The following SLC6A17 variants were observed in gnomAD, a reference collection of about 807,000 sequenced individuals.
SLC6A17 encodes sodium-dependent neutral amino acid transporter SLC6A17.
A neutral mutation model predicts 64.5 loss-of-function variants in SLC6A17; 21 were observed. The ratio of observed to expected loss-of-function variants is 0.33; its 90% CI spans 0.23 to 0.47. The LOEUF is 0.47. Among genes scored for constraint, SLC6A17 ranks in the 20% least tolerant of loss-of-function variants. The probability of loss-of-function intolerance (pLI) is 1.00; values close to 1 mark genes in which losing one functional copy is unlikely to be tolerated. For synonymous variants in SLC6A17, 372 were observed against 399.5 expected (o/e 0.93, Z 0.82); for missense variants, 682 against 963.2 (o/e 0.71, Z 3.86).
chr1:110,158,703 T>C (rs1423195357), intron 1 of SLC6A17, among the ~76,000 whole-genome samples: 1 of 152,238 alleles, frequency 6.6e-6, no homozygotes, highest in Non-Finnish European at 1.5e-5. Flanking sequence ...AGCAGGACTT[T>C]AGGTTTTCCT....
intron 9 of SLC6A17, among the ~76,000 whole-genome samples, chr1:110,195,159 G>A (rs944530241): frequency 6.6e-6 from 1 of 152,190 alleles, no homozygotes; most frequent in African/African-American, 2.4e-5. Context: ...TTCCCTTCGG[G>A]GTTTGCTGCG....
At chr1:110,197,358 C>G (rs1397851538) in intron 10 of SLC6A17, 79 bp from the exon 11 acceptor site, 4 of 1,527,792 alleles carry the variant, frequency 2.6e-6, no homozygotes, top group East Asian at 2.3e-5. Context: ...CGAAGACTTT[C>G]TGGAGGAGAT....
rs750318748 is a variant in SLC6A17 at position 110,198,235 on chromosome 1, C to T, written c.1975C>T (p.Arg659Cys). 36 of 1,614,072 alleles carry T rather than the reference C, an allele frequency of 2.2e-5. No homozygotes were observed. Among genetic ancestry groups the T allele is most frequent in the African/African-American group, 4.0e-5 (3 of 74,918 alleles). ...CCTCTCCGTGTCCTACAAGAAGGGC[C>T]GCATGATGAAGGACATCTCCAACCT... Reference protein sequence around the residue: ...NTLSVSYKKGRMMKDISNLEE... With the variant: ...NTLSVSYKKGCMMKDISNLEE... Residue 659 changes from arginine to cysteine, a missense_variant, in exon 12 of 12, where the codon CGC becomes TGC. Arg to Cys is a radical substitution (Grantham distance 180). This residue lies in a region of SLC6A17 where 264 missense variants were observed against 339.5 expected (regional missense o/e 0.78). Transcript: ENST00000331565.
intron 9 of SLC6A17, 117 bp downstream of exon 9, chr1:110,194,888 A>C: frequency 1.6e-6 from 2 of 1,251,582 alleles, no homozygotes; most frequent in South Asian, 1.3e-5. Flanking sequence ...TCCACCCCAC[A>C]CTGGGACACA....
At chr1:110,174,407 C>G (rs954644871) in intron 4 of SLC6A17, among the ~76,000 whole-genome samples, 1 of 152,204 alleles carries the variant, frequency 6.6e-6, no homozygotes, top group African/African-American at 2.4e-5. Context: ...TTCCCATGTT[C>G]ACACCACTCA....
intron 6 of SLC6A17, among the ~76,000 whole-genome samples, chr1:110,190,133 C>T (rs1053610861): frequency 1.3e-5 from 2 of 152,142 alleles, no homozygotes; most frequent in African/African-American, 2.4e-5. Flanking sequence ...ACAGGGAGGC[C>T]TTGACACCTT....
At chr1:110,166,771 T>C in intron 1 of SLC6A17, 72 bp from the exon 2 acceptor site, 1 of 886,480 alleles carries the variant, frequency 1.1e-6, no homozygotes, top group African/African-American at 1.7e-5. Context: ...TTAATTTGGG[T>C]TGTGTCCACG....
intron 2 of SLC6A17, among the ~76,000 whole-genome samples, chr1:110,170,023 C>T (rs1007325293): frequency 2.0e-5 from 3 of 152,146 alleles, no homozygotes; most frequent in Non-Finnish European, 4.4e-5. Context: ...CTTGTCTTTG[C>T]TCTCCCACCC....
intron 9 of SLC6A17, 129 bp downstream of exon 9, chr1:110,194,900 C>A: frequency 1.7e-6 from 2 of 1,155,072 alleles, no homozygotes; most frequent in Non-Finnish European, 2.5e-6. Flanking sequence ...TGGGACACAG[C>A]TGGAGCCTGG....
intron 1 of SLC6A17, among the ~76,000 whole-genome samples, chr1:110,158,074 A>G (rs973009307): frequency 6.6e-6 from 1 of 152,170 alleles, no homozygotes; most frequent in East Asian, 1.9e-4. Flanking sequence ...TATAAATTAT[A>G]TATTTGTCTG....
At chr1:110,173,853 T>C (rs976829520) in intron 3 of SLC6A17, 120 bp from the exon 4 acceptor site, 3 of 1,440,508 alleles carry the variant, frequency 2.1e-6, no homozygotes, top group African/African-American at 1.4e-5. Context: ...CCTCCTTGCC[T>C]CTCTTGAGGC....
chr1:110,154,990 G>A (rs1340225724), intron 1 of SLC6A17, among the ~76,000 whole-genome samples: 1 of 152,024 alleles, frequency 6.6e-6, no homozygotes, highest in Non-Finnish European at 1.5e-5. Context: ...CGTGTCCGTG[G>A]CCGTTCTGGG....
chr1:110,178,919 T>G (rs1020073629), intron 6 of SLC6A17, among the ~76,000 whole-genome samples: 5 of 152,238 alleles, frequency 3.3e-5, no homozygotes, highest in African/African-American at 1.2e-4. Flanking sequence ...TTTCCTGAAT[T>G]TGGGATTTGT....
chr1:110,166,563 A>G (rs758698562), intron 1 of SLC6A17, among the ~76,000 whole-genome samples: 1 of 152,234 alleles, frequency 6.6e-6, no homozygotes, highest in Non-Finnish European at 1.5e-5. Context: ...GTCTTCACGG[A>G]TAATGCTCTA....
intron 3 of SLC6A17, among the ~76,000 whole-genome samples, chr1:110,173,226 C>G (rs1291873116): frequency 6.6e-6 from 1 of 152,268 alleles, no homozygotes; most frequent in Non-Finnish European, 1.5e-5. Flanking sequence ...CTCCTGCACA[C>G]ATGTGCTCAG....
intron 1 of SLC6A17, among the ~76,000 whole-genome samples, chr1:110,165,264 G>T (rs529234040): frequency 2.2e-4 from 34 of 152,272 alleles, no homozygotes; most frequent in Non-Finnish European, 4.9e-4. Context: ...GGCAGCCCTG[G>T]GGGGAGGCCC....
At position 110,194,770 on chromosome 1, in the gene SLC6A17, A is replaced by G; in HGVS notation, c.1491A>G (p.Thr497=). Residue 497 remains threonine (T), a splice_region_variant and synonymous_variant, in exon 9 of 12, where the codon ACA becomes ACG. Transcript: ENST00000331565. The part of the protein sequence containing the change: ...DTFKVPKEMF[T]VGCCVFAFLV... ...TCAAGGTGCCCAAGGAGATGTTCAC[A>G]GGTAACTCCTCCCTGCCCCCATGCC... 1 of 1,612,756 alleles carries G rather than the reference A, an allele frequency of 6.2e-7. No homozygotes were observed. Among genetic ancestry groups the G allele is most frequent in the Non-Finnish European group, 8.5e-7 (1 of 1,180,008 alleles).
chr1:110,164,422 A>G (rs1306291597), intron 1 of SLC6A17, among the ~76,000 whole-genome samples: 2 of 152,206 alleles, frequency 1.3e-5, no homozygotes, highest in Non-Finnish European at 2.9e-5. Context: ...GGGAATGTTG[A>G]GTCGGACAAT....
chr1:110,194,533 C>T (rs745808998), intron 8 of SLC6A17, 46 bp from the exon 9 acceptor site: 25 of 1,594,442 alleles, frequency 1.6e-5, no homozygotes, highest in Non-Finnish European at 2.1e-5. Flanking sequence ...GTGGGCTCCC[C>T]AGGGAGGGGT....
Sources: gnomAD v4.1 joint callset for allele counts (sites outside exome capture counted in the v4.1 genomes callset) on GRCh38, gnomAD v4.1.1 for gene constraint, gnomAD v4.1.1 regional missense constraint, MANE v1.5 for transcripts, NCBI Gene and HGNC (gene_info 2026-07-23, HGNC 2026-07-21) for gene names.